NUP210: variants seen among roughly 807,000 people sequenced by gnomAD.
NUP210 encodes the protein nuclear pore membrane glycoprotein 210.
A neutral mutation model predicts 196.0 loss-of-function variants in NUP210; 151 were observed. The observed-to-expected ratio is 0.77, with a 90% CI of 0.67 to 0.88. NUP210 has a LOEUF of 0.88. NUP210 is among the 40% of genes least tolerant of loss of function. NUP210 has a pLI of 0.00. For synonymous variants in NUP210, 1,070 were observed against 1,052.7 expected (o/e 1.02, Z -0.32); for missense variants, 2,314 against 2,493.7 (o/e 0.93, Z 1.53).
At chr3:13,394,088 G>C (rs1319774774) in intron 3 of NUP210, among the ~76,000 whole-genome samples, 1 of 152,202 alleles carries the variant, frequency 6.6e-6, no homozygotes, top group Non-Finnish European at 1.5e-5. Context: ...AGAACTGAGG[G>C]ACATCGAAGG....
At chr3:13,327,046 A>G (rs1454298771) in intron 32 of NUP210, among the ~76,000 whole-genome samples, 171 bp downstream of exon 32, 1 of 152,260 alleles carries the variant, frequency 6.6e-6, no homozygotes, top group Non-Finnish European at 1.5e-5. Context: ...GAAAACAGGC[A>G]CAGGCTGGAT....
intron 11 of NUP210, among the ~76,000 whole-genome samples, chr3:13,375,157 T>C (rs1371598603): frequency 6.7e-6 from 1 of 149,058 alleles, no homozygotes; most frequent in Non-Finnish European, 1.5e-5. Context: ...TTTTTTTTTT[T>C]CCTTTTTTTG....
chr3:13,333,847 G>A (rs1189122842), intron 28 of NUP210, among the ~76,000 whole-genome samples: 1 of 152,114 alleles, frequency 6.6e-6, no homozygotes, highest in Non-Finnish European at 1.5e-5. Context: ...TGGAGGGGGA[G>A]TTGTAAGATA....
In NUP210 at chr3:13,388,419, G is replaced by C. The variant is rs1699357305; in HGVS notation, c.568C>G (p.Pro190Ala). 6.2e-7 allele frequency: 1 copy of C among 1,612,358 alleles called. No homozygotes were observed. Among genetic ancestry groups the C allele is most frequent in the Admixed American group, 1.7e-5 (1 of 59,820 alleles). ...LTFLESTYIPPSYISEMEKAA... is the reference protein window; with the variant it reads ...LTFLESTYIPASYISEMEKAA... ...TTCTCCATCTCTGAGATGTAAGAAG[G>C]AGGGATGTACGTAGACTCCAAGAAA... The change falls in exon 5 of 40, where the codon CCT becomes GCT. Residue 190 changes from proline (P) to alanine (A), a missense_variant. Pro to Ala is a conservative substitution (Grantham distance 27). Coordinates refer to ENST00000254508, the MANE Select transcript of NUP210 (RefSeq NM_024923.4).
chr3:13,376,550 G>A (rs887712814), intron 9 of NUP210, 119 bp from the exon 10 acceptor site: 4 of 1,058,016 alleles, frequency 3.8e-6, no homozygotes, highest in African/African-American at 3.2e-5. Flanking sequence ...GGGCCCCCTG[G>A]GGCTCAGCAG....
At chr3:13,318,236 G>A (rs1245537903) in intron 39 of NUP210, among the ~76,000 whole-genome samples, 1 of 152,080 alleles carries the variant, frequency 6.6e-6, no homozygotes, top group East Asian at 1.9e-4. Flanking sequence ...CAGCTAGAAA[G>A]GGCAGGCACC....
chr3:13,397,509 G>T (rs758067111), intron 2 of NUP210, 21 bp from the exon 3 acceptor site: 7 of 1,573,128 alleles, frequency 4.4e-6, no homozygotes, highest in Non-Finnish European at 1.7e-6. Flanking sequence ...CCCAGGAAGG[G>T]GTCAGCACCA....
At chr3:13,408,969 C>T (rs1035048383) in intron 1 of NUP210, among the ~76,000 whole-genome samples, 1 of 152,112 alleles carries the variant, frequency 6.6e-6, no homozygotes, top group African/African-American at 2.4e-5. Flanking sequence ...CTGGTGCTGT[C>T]ACATGGCCAG....
intron 3 of NUP210, among the ~76,000 whole-genome samples, chr3:13,394,890 G>A (rs1370149405): frequency 2.0e-5 from 3 of 152,164 alleles, no homozygotes; most frequent in Non-Finnish European, 4.4e-5. Flanking sequence ...AGAAAAAAAG[G>A]CAAAAGAAAT....
At chr3:13,319,363 G>A in intron 37 of NUP210, 38 bp from the exon 38 acceptor site, 1 of 1,508,538 alleles carries the variant, frequency 6.6e-7, no homozygotes. Context: ...AAAACCACCA[G>A]GCCCACTGTG....
Position 13,347,709 on chromosome 3 carries a change from C to A in NUP210, c.2835+4170G>T, listed in dbSNP as rs1008701450. On this transcript the variant is annotated intron_variant, in intron 20 of 39. Transcript: ENST00000254508. The surrounding 1 kb of genome is among the most constrained non-coding windows in gnomAD (Gnocchi z 4.7). ...TGGGGAGCGCTGGGGGCTTGTCTAT[C>A]TCTGTGCTGCTGCTCTGCAGCTGGA... is the stretch of plus-strand genomic sequence containing the variant. Among the ~76,000 whole-genome samples, 1 of 152,212 alleles carries A rather than the reference C, an allele frequency of 6.6e-6. No individual in the cohort carries two copies. The highest frequency in any genetic ancestry group is 1.5e-5 in the Non-Finnish European group (1 of 68,032).
rs761416173 is a variant in NUP210, at chr3:13,327,231, A to T, written c.4493T>A (p.Leu1498Gln). The T allele has an allele frequency of 6.2e-7, 1 of 1,613,146 alleles. No individual in the cohort carries two copies. The highest frequency in any genetic ancestry group is 2.2e-5 in the East Asian group (1 of 44,870). The change falls in exon 32 of 40, where the codon CTG (leucine) becomes CAG (glutamine). Residue 1498 changes from leucine to glutamine, a missense_variant. Leu to Gln is a moderately radical substitution (Grantham distance 113). Coordinates refer to ENST00000254508, the MANE Select transcript of NUP210 (RefSeq NM_024923.4). ...ATCTATCTTACCTTCCAGGCTGGTCAGAACAGTGGCCAGACAGAGCACGTC... is the reference window on the plus strand; with the variant it reads ...ATCTATCTTACCTTCCAGGCTGGTCTGAACAGTGGCCAGACAGAGCACGTC... The part of the protein sequence containing the change: ...VGDVLCLATV[L>Q]TSLEGLSGTW...
At chr3:13,342,655 G>A (rs555890399) in intron 21 of NUP210, among the ~76,000 whole-genome samples, 8 of 152,250 alleles carry the variant, frequency 5.3e-5, no homozygotes, top group Middle Eastern at 3.4e-3. Context: ...GAACCTGACC[G>A]CAACCCTCTG....
At chr3:13,353,244 C>T (rs1356505396) in intron 18 of NUP210, among the ~76,000 whole-genome samples, 1 of 152,164 alleles carries the variant, frequency 6.6e-6, no homozygotes, top group Non-Finnish European at 1.5e-5. Context: ...CTTCTCCTTC[C>T]AGCCTGTACC....
chr3:13,340,046 G>C lies in NUP210; in HGVS notation c.3292-13C>G, dbSNP rs759842986. ...CCTCGGAGGTGACCTGAGCGGGGAG[G>C]AAACAGCGGCGTGTCAGTGCCCGTC... On this transcript the variant is annotated splice_polypyrimidine_tract_variant and intron_variant, in intron 24 of 39. Transcript: ENST00000254508. This position sits in a 1 kb window ranked among gnomAD's most constrained non-coding sequence, Gnocchi z 4.0. 16 of 1,611,326 alleles carry C rather than the reference G, an allele frequency of 9.9e-6. No individual in the cohort carries two copies. The South Asian group carries it at 1.8e-4, about 18-fold the overall frequency.
intron 1 of NUP210, among the ~76,000 whole-genome samples, chr3:13,409,205 G>C (rs538739512): frequency 2.0e-5 from 3 of 152,328 alleles, no homozygotes; most frequent in Admixed American, 2.0e-4. Flanking sequence ...TTTTTCTGTA[G>C]GTGCCTGTCT....
At chr3:13,397,531 C>A in intron 2 of NUP210, 43 bp from the exon 3 acceptor site, 1 of 1,518,536 alleles carries the variant, frequency 6.6e-7, no homozygotes, top group Admixed American at 2.2e-5. Context: ...AGACAGTCCC[C>A]GCCCCTGGCT....
chr3:13,388,602 G>C (rs1014646243), intron 4 of NUP210, 149 bp from the exon 5 acceptor site: 1 of 730,570 alleles, frequency 1.4e-6, no homozygotes. Context: ...GGGCTGCCTA[G>C]AGACACGGCC....
At chr3:13,361,796 TTC>T (rs1698381113) in intron 14 of NUP210, among the ~76,000 whole-genome samples, 1 of 152,190 alleles carries the variant, frequency 6.6e-6, no homozygotes, top group African/African-American at 2.4e-5. Context: ...CAGGCTCAGC[TTC>T]TGTCCTGGGA....
Sources: gnomAD v4.1 joint callset for allele counts (sites outside exome capture counted in the v4.1 genomes callset) on GRCh38, gnomAD v4.1.1 for gene constraint, Gnocchi (gnomAD v3.1) non-coding constraint, MANE v1.5 for transcripts, NCBI Gene and HGNC (gene_info 2026-07-23, HGNC 2026-07-21) for gene names.